Variants in LRP1B observed in about 807,000 individuals in gnomAD.
LRP1B encodes the protein LDL receptor related protein 1B, also known as low-density lipoprotein receptor-related protein 1B.
In LRP1B, 217 loss-of-function variants were observed where a neutral mutation model predicts 556.6. The ratio of observed to expected loss-of-function variants is 0.39; its 90% CI spans 0.35 to 0.44. The LOEUF is 0.44. LRP1B is among the 20% of genes least tolerant of loss of function. The pLI, the probability that LRP1B is intolerant of heterozygous loss-of-function variation, is 1.00. For missense variants in LRP1B, 5,053 were observed against 5,620.8 expected (o/e 0.90, Z 3.23); for synonymous variants, 2,047 against 1,865.8 (o/e 1.10, Z -2.50).
At chr2:140,543,026 C>T (rs6430913) in intron 43 of LRP1B, among the ~76,000 whole-genome samples, 66,831 of 151,948 alleles carry the variant, frequency 0.44, 15,438 homozygotes, top group East Asian at 0.58. Context: ...CTGAGTACTC[C>T]GCAGGGTCTG....
At chr2:141,133,742 A>T (rs991728269) in intron 7 of LRP1B, among the ~76,000 whole-genome samples, 1 of 152,012 alleles carries the variant, frequency 6.6e-6, no homozygotes, top group Non-Finnish European at 1.5e-5. Flanking sequence ...AACTAATGCA[A>T]CATTTTTATA....
At chr2:140,285,349 G>A (rs1482718954) in intron 84 of LRP1B, among the ~76,000 whole-genome samples, 10 of 150,152 alleles carry the variant, frequency 6.7e-5, no homozygotes. Context: ...ATGTATATAT[G>A]TGTACATATA....
intron 2 of LRP1B, among the ~76,000 whole-genome samples, chr2:141,566,400 A>G (rs992331238): frequency 5.9e-5 from 9 of 152,196 alleles, no homozygotes; most frequent in African/African-American, 2.2e-4. Flanking sequence ...GCACAAAAAC[A>G]TAATTATGAG....
chr2:141,802,993 T>C (rs1696056963), intron 2 of LRP1B, among the ~76,000 whole-genome samples: 2 of 152,072 alleles, frequency 1.3e-5, no homozygotes, highest in Non-Finnish European at 2.9e-5. Context: ...AATTCCTGTA[T>C]TTCATTTCAC....
At chr2:141,704,446 G>T (rs1032058691) in intron 2 of LRP1B, among the ~76,000 whole-genome samples, 1 of 151,702 alleles carries the variant, frequency 6.6e-6, no homozygotes, top group Non-Finnish European at 1.5e-5. Flanking sequence ...TTTATTCAAC[G>T]TAACATATAA....
chr2:141,423,419 A>T (rs1252684011), intron 3 of LRP1B, among the ~76,000 whole-genome samples: 1 of 151,490 alleles, frequency 6.6e-6, no homozygotes, highest in Non-Finnish European at 1.5e-5. Context: ...AACCAAAGCC[A>T]CTGGGAAAAG....
At chr2:141,079,312 C>CAA (rs1490679983) in intron 7 of LRP1B, among the ~76,000 whole-genome samples, 4 of 152,160 alleles carry the variant, frequency 2.6e-5, no homozygotes, top group African/African-American at 9.7e-5. Flanking sequence ...ACAGCAATAA[C>CAA]AACACTGCAC....
rs530850214 is a variant in LRP1B, at chr2:141,153,335, A to C, written c.1013+35086T>G. Among the ~76,000 whole-genome samples, 362 of 107,248 alleles carry C rather than the reference A, an allele frequency of 3.4e-3. 3 individuals are homozygous for C. The highest frequency in any genetic ancestry group is 0.011 in the African/African-American group (350 of 30,888). 70.4% of individuals were successfully genotyped at this position (107,248 alleles called of 152,430 possible). A position where few individuals can be genotyped will look rare whatever the true frequency, so the allele number is the denominator to read the frequency against. On this transcript the variant is annotated intron_variant, in intron 7 of 90. Coordinates refer to ENST00000389484, the MANE Select transcript of LRP1B (RefSeq NM_018557.3). ...TATATTAGCTATATATATTTATATA[A>C]TAATATATTATATATTAGCTATATA...
At chr2:140,501,927 C>CAG in intron 54 of LRP1B, 53 bp from the exon 55 acceptor site, 1 of 1,285,948 alleles carries the variant, frequency 7.8e-7, no homozygotes, top group Non-Finnish European at 1.1e-6. Flanking sequence ...TTGTTTTATA[C>CAG]TACAGTTGTT....
chr2:140,381,962 A>G (rs1683524706), intron 67 of LRP1B, among the ~76,000 whole-genome samples: 1 of 152,068 alleles, frequency 6.6e-6, no homozygotes, highest in Admixed American at 6.6e-5. Flanking sequence ...GTAAAAACAT[A>G]CAACCACAGA....
intron 37 of LRP1B, among the ~76,000 whole-genome samples, chr2:140,705,931 G>C (rs1166320020): frequency 6.6e-6 from 1 of 152,014 alleles, no homozygotes; most frequent in Non-Finnish European, 1.5e-5. Flanking sequence ...TAATTTATTT[G>C]CTCCTTAAAC....
At chr2:141,506,852 T>C (rs12623095) in intron 2 of LRP1B, among the ~76,000 whole-genome samples, 1 of 152,136 alleles carries the variant, frequency 6.6e-6, no homozygotes, top group Non-Finnish European at 1.5e-5. Context: ...AAGTATAGTA[T>C]GCTTTAAAAA....
At chr2:140,843,096 T>TG (rs1692169883) in intron 29 of LRP1B, among the ~76,000 whole-genome samples, 1 of 31,858 alleles carries the variant, frequency 3.1e-5, no homozygotes, top group Non-Finnish European at 6.9e-5. Flanking sequence ...TTTTTTTTTT[T>TG]TTTGTTTTTT....
chr2:140,495,781 T>G (rs746188949), intron 55 of LRP1B, 33 bp from the exon 56 acceptor site: 1 of 1,545,462 alleles, frequency 6.5e-7, no homozygotes, highest in South Asian at 1.1e-5. Flanking sequence ...AATCAATTCA[T>G]ATCATTGTCA....
At chr2:141,555,060 G>A (rs910234502) in intron 2 of LRP1B, among the ~76,000 whole-genome samples, 5 of 151,970 alleles carry the variant, frequency 3.3e-5, no homozygotes, top group African/African-American at 9.7e-5. Flanking sequence ...ATGCCCAGAC[G>A]TTCAACTTCC....
At chr2:141,695,317 T>G (rs2105452281) in intron 2 of LRP1B, among the ~76,000 whole-genome samples, 1 of 152,040 alleles carries the variant, frequency 6.6e-6, no homozygotes, top group African/African-American at 2.4e-5. Flanking sequence ...AAAAGATAAG[T>G]TTTATTCTGT....
rs398060601 is a variant in LRP1B at position 140,906,972 on chromosome 2, TA to T, written c.3520+904del. Among the ~76,000 whole-genome samples the T allele has an allele frequency of 2.4e-3, 348 of 142,670 alleles. 3 individuals are homozygous for T. The highest frequency in any genetic ancestry group is 6.1e-3 in the East Asian group (29 of 4,726). The allele number at this position is 142,670 out of a possible 152,430, so 93.6% of individuals were successfully genotyped here. On this transcript the variant is annotated intron_variant, in intron 22 of 90. Coordinates refer to ENST00000389484, the MANE Select transcript of LRP1B (RefSeq NM_018557.3). Reference sequence around the variant, plus strand: ...AAAAAAGACATTTTACCACATATGGTAAAAAAAAAAAAAACTTCCTTTTTTA... The same window carrying T: ...AAAAAAGACATTTTACCACATATGGTAAAAAAAAAAAAACTTCCTTTTTTA...
chr2:141,196,951 T>A (rs1012343735), intron 6 of LRP1B, among the ~76,000 whole-genome samples: 1 of 152,112 alleles, frequency 6.6e-6, no homozygotes, highest in Non-Finnish European at 1.5e-5. Context: ...ACTGTTCTTG[T>A]GGTAGAGAAT....
chr2:140,291,319 T>TATATA lies in LRP1B; in HGVS notation c.12967+6488_12967+6489insTATAT, dbSNP rs1553440647. Among the ~76,000 whole-genome samples, 18 of 57,422 alleles carry TATATA rather than the reference T, an allele frequency of 3.1e-4. 1 individual carries two copies. The East Asian group carries it at 4.9e-3, about 16-fold the overall frequency. The allele number at this position is 57,422 out of a possible 152,430, so 37.7% of individuals were successfully genotyped here. A position where few individuals can be genotyped will look rare whatever the true frequency, so the allele number is the denominator to read the frequency against. On this transcript the variant is annotated intron_variant, in intron 84 of 90. Transcript: ENST00000389484. ...TATTTTATATATATATATATATATA[T>TATATA]TTTTATTATACTTTAAGTTCTAGGG...
Sources: gnomAD v4.1 joint callset for allele counts (sites outside exome capture counted in the v4.1 genomes callset) on GRCh38, gnomAD v4.1.1 for gene constraint, MANE v1.5 for transcripts, NCBI Gene and HGNC (gene_info 2026-07-23, HGNC 2026-07-21) for gene names.